The following RAB10 variants were observed in gnomAD, a reference collection of about 807,000 sequenced individuals.
The protein encoded by RAB10 is RAB10, member RAS oncogene family, also known as ras-related protein Rab-10.
Under a neutral mutation model 25.7 loss-of-function variants are expected in RAB10, and 5 were observed. That is an observed-to-expected ratio of 0.19 (90% confidence interval 0.10 to 0.41). The LOEUF (loss-of-function observed/expected upper bound fraction) is 0.41. RAB10 is among the 10% of genes least tolerant of loss of function. The pLI is 1.00. For synonymous variants in RAB10, 89 were observed against 86.4 expected (o/e 1.03, Z -0.16); for missense variants, 103 against 245.8 (o/e 0.42, Z 3.89).
At chr2:26,062,777 G>A (rs956739141) in intron 1 of RAB10, among the ~76,000 whole-genome samples, 1 of 152,086 alleles carries the variant, frequency 6.6e-6, no homozygotes, top group African/African-American at 2.4e-5. Flanking sequence ...ACCTTCTAAA[G>A]AATTGCCACT....
chr2:26,069,192 G>T (rs1666575399), intron 1 of RAB10, among the ~76,000 whole-genome samples: 1 of 152,132 alleles, frequency 6.6e-6, no homozygotes. Flanking sequence ...CATGGTTGAG[G>T]CTAATGGTCC....
intron 1 of RAB10, among the ~76,000 whole-genome samples, chr2:26,058,691 C>T (rs1053915792): frequency 5.9e-5 from 9 of 152,200 alleles, no homozygotes; most frequent in Admixed American, 2.6e-4. Flanking sequence ...AGGACCTGTG[C>T]GCTTGTTGTT....
At chr2:26,057,620 T>TTCATTCATTCATTCATTCATTCA (rs1553724597) in intron 1 of RAB10, among the ~76,000 whole-genome samples, 155 of 149,196 alleles carry the variant, frequency 1.0e-3, no homozygotes, top group Non-Finnish European at 1.8e-3. Flanking sequence ...GGCAAGTTTC[T>TTCATTCATTCATTCATTCATTCA]TTCATTCATT....
intron 3 of RAB10, among the ~76,000 whole-genome samples, chr2:26,122,898 G>T (rs749743151): frequency 6.6e-6 from 1 of 152,060 alleles, no homozygotes; most frequent in Non-Finnish European, 1.5e-5. Context: ...TCTCGGGGTG[G>T]CAGGGAGGGG....
chr2:26,117,531 C>T (rs946688649), intron 3 of RAB10, among the ~76,000 whole-genome samples: 3 of 150,118 alleles, frequency 2.0e-5, no homozygotes, highest in Non-Finnish European at 3.0e-5. Context: ...AGGAGAATGG[C>T]GTGAACCCAG....
In RAB10 at chr2:26,083,383, C is replaced by CTCTCT. The variant is rs574764916; in HGVS notation, c.128-15273_128-15269dup. On this transcript the variant is annotated intron_variant, in intron 1 of 5. Transcript: ENST00000264710. Reference sequence around the variant, plus strand: ...GTATTATTTTTCTTTTTTCTCTTTTCTCTCTTCTCTCCCCTCCCCTCCCTT... The same window carrying CTCTCT: ...GTATTATTTTTCTTTTTTCTCTTTTCTCTCTTCTCTTCTCTCCCCTCCCCTCCCTT... Among the ~76,000 whole-genome samples, 545 of 151,392 alleles carry CTCTCT rather than the reference C, an allele frequency of 3.6e-3. 2 individuals are homozygous for CTCTCT. The highest frequency in any genetic ancestry group is 0.013 in the African/African-American group (528 of 41,178).
At chr2:26,126,783 A>G (rs1667917104) in intron 3 of RAB10, among the ~76,000 whole-genome samples, 1 of 152,206 alleles carries the variant, frequency 6.6e-6, no homozygotes, top group African/African-American at 2.4e-5. Context: ...TGTTTAATTA[A>G]GGCTTCTATA....
intron 3 of RAB10, among the ~76,000 whole-genome samples, chr2:26,112,729 C>T (rs146551470): frequency 3.9e-4 from 60 of 152,262 alleles, no homozygotes; most frequent in African/African-American, 1.4e-3. Flanking sequence ...TACCACTGTG[C>T]TTCAGCCTGG....
rs936344028 is a variant in RAB10, at chr2:26,136,230, G to C, written c.*1209G>C. ...CTGCATTTTGGCAACTCCTCTAGCA[G>C]CTTGGTAGCCTAGTACAGGTTGTTT... On this transcript the variant is annotated 3_prime_UTR_variant, in exon 6 of 6. Coordinates refer to ENST00000264710, the MANE Select transcript of RAB10 (RefSeq NM_016131.5). The C allele has an allele frequency of 6.6e-6, 1 of 152,594 alleles. No homozygotes were observed. Among genetic ancestry groups the C allele is most frequent in the African/African-American group, 2.4e-5 (1 of 41,426 alleles). 9.5% of individuals were successfully genotyped at this position (152,594 alleles called of 1,614,324 possible).
intron 3 of RAB10, among the ~76,000 whole-genome samples, chr2:26,110,502 A>G (rs960969968): frequency 1.6e-4 from 24 of 152,172 alleles, no homozygotes; most frequent in African/African-American, 2.9e-4. Flanking sequence ...TGATTTTACA[A>G]TGATTTTCTG....
chr2:26,077,458 C>T (rs1666762953), intron 1 of RAB10, among the ~76,000 whole-genome samples: 1 of 152,136 alleles, frequency 6.6e-6, no homozygotes, highest in Non-Finnish European at 1.5e-5. Context: ...ATGAATCTTT[C>T]TAAAATAATG....
intron 1 of RAB10, among the ~76,000 whole-genome samples, chr2:26,084,073 A>G (rs1455547089): frequency 6.6e-6 from 1 of 152,194 alleles, no homozygotes; most frequent in Admixed American, 6.5e-5. Flanking sequence ...TTTCTTGAAC[A>G]TGCCAAACAT....
At chr2:26,120,530 G>A (rs1460561730) in intron 3 of RAB10, among the ~76,000 whole-genome samples, 1 of 152,104 alleles carries the variant, frequency 6.6e-6, no homozygotes, top group East Asian at 1.9e-4. Context: ...TGTTTTAGCA[G>A]TAACATAAAT....
chr2:26,129,559 G>A (rs1014827859), intron 5 of RAB10, among the ~76,000 whole-genome samples: 1 of 152,158 alleles, frequency 6.6e-6, no homozygotes, highest in South Asian at 2.1e-4. Context: ...ATAAGAGATT[G>A]AGTTGAGATA....
At chr2:26,045,298 G>A (rs1665977522) in intron 1 of RAB10, among the ~76,000 whole-genome samples, 1 of 150,814 alleles carries the variant, frequency 6.6e-6, no homozygotes, top group South Asian at 2.1e-4. Flanking sequence ...GGAGTGCAGT[G>A]GCACAATCTC....
chr2:26,128,319 CACTT>C (rs1464953339), intron 5 of RAB10, among the ~76,000 whole-genome samples: 2 of 152,218 alleles, frequency 1.3e-5, no homozygotes, highest in East Asian at 3.8e-4. Context: ...AATGCTCACT[CACTT>C]GCTGCTCACC....
intron 1 of RAB10, among the ~76,000 whole-genome samples, chr2:26,048,769 A>G (rs747234842): frequency 2.4e-4 from 36 of 152,124 alleles, no homozygotes; most frequent in Non-Finnish European, 4.4e-4. Context: ...CAGCTATCTG[A>G]GAGACTGAGA....
At chr2:26,047,454 C>T (rs1052866476) in intron 1 of RAB10, among the ~76,000 whole-genome samples, 59 of 148,660 alleles carry the variant, frequency 4.0e-4, no homozygotes, top group African/African-American at 1.2e-3. Flanking sequence ...CTTGTTCTGT[C>T]GCCTAGGCTG....
intron 3 of RAB10, among the ~76,000 whole-genome samples, chr2:26,119,279 T>C (rs563879312): frequency 0.012 from 1,887 of 152,086 alleles, 17 homozygotes; most frequent in Middle Eastern, 0.024. Flanking sequence ...GATATGGCGG[T>C]GAGTACCTGT....
Sources: gnomAD v4.1 joint callset for allele counts (sites outside exome capture counted in the v4.1 genomes callset) on GRCh38, gnomAD v4.1.1 for gene constraint, MANE v1.5 for transcripts, NCBI Gene and HGNC (gene_info 2026-07-23, HGNC 2026-07-21) for gene names.